BMERB1: variants seen among roughly 807,000 people sequenced by gnomAD.
BMERB1 encodes bMERB domain-containing protein 1.
In BMERB1, 12 loss-of-function variants were observed where a neutral mutation model predicts 23.6. The observed-to-expected ratio is 0.51, with a 90% CI of 0.33 to 0.82. The LOEUF (loss-of-function observed/expected upper bound fraction) is 0.82. Ranked by LOEUF, BMERB1 falls within the 40% of genes least tolerant of loss-of-function variation. The probability of loss-of-function intolerance (pLI) is 0.03; values close to 1 mark genes in which losing one functional copy is unlikely to be tolerated. For missense variants in BMERB1, 247 were observed against 255.4 expected, an observed-to-expected ratio of 0.97 and a Z score of 0.22; for synonymous variants, 122 against 96.6, an observed-to-expected ratio of 1.26 and a Z score of -1.54.
chr16:15,505,875 G>A (rs534754845), intron 1 of BMERB1, among the ~76,000 whole-genome samples: 9 of 145,014 alleles, frequency 6.2e-5, no homozygotes, highest in Admixed American at 4.2e-4. Flanking sequence ...GTGACAGAGC[G>A]AGACGCCGTT....
intron 1 of BMERB1, among the ~76,000 whole-genome samples, chr16:15,476,160 C>CTTT (rs55893889): frequency 1.2e-5 from 1 of 86,582 alleles, no homozygotes; most frequent in African/African-American, 3.6e-5. Flanking sequence ...ATGTCATTCA[C>CTTT]TTTTTTTTTT....
chr16:15,575,140 G>A (rs2030826193), intron 3 of BMERB1, among the ~76,000 whole-genome samples: 1 of 152,070 alleles, frequency 6.6e-6, no homozygotes, highest in Non-Finnish European at 1.5e-5. Context: ...TGGCATCCCT[G>A]GCCCATGGGT....
chr16:15,533,015 C>T (rs1326420466), intron 2 of BMERB1: 1 of 455,868 alleles, frequency 2.2e-6, no homozygotes, highest in Non-Finnish European at 4.4e-6. Flanking sequence ...AATATCTTAC[C>T]TTCTCTGAGC....
At chr16:15,490,932 G>T (rs944765486) in intron 1 of BMERB1, among the ~76,000 whole-genome samples, 1 of 152,050 alleles carries the variant, frequency 6.6e-6, no homozygotes, top group Non-Finnish European at 1.5e-5. Context: ...AACCTCCACC[G>T]CCTTCTGGGC....
intron 2 of BMERB1, among the ~76,000 whole-genome samples, chr16:15,562,484 T>A (rs1249144839): frequency 6.6e-6 from 1 of 152,006 alleles, no homozygotes; most frequent in Non-Finnish European, 1.5e-5. Flanking sequence ...CTCTCAAAAA[T>A]TATCAATAAT....
chr16:15,440,651 A>C (rs2050931909), intron 1 of BMERB1, among the ~76,000 whole-genome samples: 1 of 152,154 alleles, frequency 6.6e-6, no homozygotes, highest in Non-Finnish European at 1.5e-5. Context: ...TATGAAAATA[A>C]AAAGTAAAAA....
At chr16:15,518,687 AATGGGAGGTT>A (rs1281657589) in intron 2 of BMERB1, among the ~76,000 whole-genome samples, 1 of 152,120 alleles carries the variant, frequency 6.6e-6, no homozygotes, top group African/African-American at 2.4e-5. Context: ...GATGGGAAGT[AATGGGAGGTT>A]ACAAAATTTG....
At chr16:15,499,674 TC>T (rs2067342) in intron 1 of BMERB1, among the ~76,000 whole-genome samples, 40,366 of 152,020 alleles carry the variant, frequency 0.27, 6,514 homozygotes, top group East Asian at 0.54. Flanking sequence ...TCCTCCCAGT[TC>T]CTTCCTAGAG....
chr16:15,437,966 A>G (rs2050902995), intron 1 of BMERB1, among the ~76,000 whole-genome samples: 2 of 151,290 alleles, frequency 1.3e-5, no homozygotes, highest in African/African-American at 2.4e-5. Flanking sequence ...TCAAAAAAAA[A>G]GAGTCTGGTA....
intron 1 of BMERB1, 151 bp from the exon 2 acceptor site, chr16:15,515,154 C>A: frequency 2.0e-6 from 2 of 978,606 alleles, no homozygotes. Flanking sequence ...AAAGGGTGTG[C>A]TCACGAATAC....
At chr16:15,568,334 T>C (rs2030634443) in intron 3 of BMERB1, among the ~76,000 whole-genome samples, 1 of 152,166 alleles carries the variant, frequency 6.6e-6, no homozygotes, top group South Asian at 2.1e-4. Context: ...GTCTAATTCA[T>C]TGAGTATAAA....
At chr16:15,477,921 G>A (rs1029170228) in intron 1 of BMERB1, among the ~76,000 whole-genome samples, 1 of 152,128 alleles carries the variant, frequency 6.6e-6, no homozygotes, top group African/African-American at 2.4e-5. Context: ...ATGTCTGTGA[G>A]TTATCAGTTG....
chr16:15,550,444 C>T (rs1299064746), intron 2 of BMERB1, among the ~76,000 whole-genome samples: 1 of 152,082 alleles, frequency 6.6e-6, no homozygotes, highest in East Asian at 1.9e-4. Context: ...GCGATCCTCC[C>T]ACCTCAGCCC....
chr16:15,563,436 G>T (rs553525320), intron 2 of BMERB1, among the ~76,000 whole-genome samples: 27 of 152,054 alleles, frequency 1.8e-4, no homozygotes, highest in African/African-American at 6.0e-4. Context: ...AGACAGGATG[G>T]TCTCGATCTC....
chr16:15,548,900 AG>A (rs2030000469), intron 2 of BMERB1, among the ~76,000 whole-genome samples: 1 of 152,204 alleles, frequency 6.6e-6, no homozygotes, highest in Admixed American at 6.5e-5. Context: ...TGGCAGGAGC[AG>A]GGCTAAGCTG....
intron 1 of BMERB1, among the ~76,000 whole-genome samples, chr16:15,437,512 A>G (rs892241727): frequency 6.6e-6 from 1 of 152,208 alleles, no homozygotes; most frequent in Non-Finnish European, 1.5e-5. Flanking sequence ...ATATTGGTCA[A>G]TTCTTCAATA....
intron 1 of BMERB1, among the ~76,000 whole-genome samples, chr16:15,457,620 C>T (rs967967447): frequency 1.3e-5 from 2 of 152,206 alleles, no homozygotes; most frequent in Admixed American, 1.3e-4. Flanking sequence ...CACCTGTTCT[C>T]ACCTCCTTTC....
rs116678802 is a variant in BMERB1, at chr16:15,485,813, A to G, written c.107-29492A>G. The stretch of plus-strand genomic sequence containing the variant: ...TTGGCTTAGGCACCATTCTAAGCAT[A>G]TTCCACTAGTCCCTCCATCTCCAAA... On this transcript the variant is annotated intron_variant, in intron 1 of 5. Transcript: ENST00000300006. 2.4e-3 allele frequency among the ~76,000 whole-genome samples: 360 copies of G among 152,260 alleles called. 3 individuals carry two copies. The highest frequency in any genetic ancestry group is 8.1e-3 in the African/African-American group (337 of 41,562).
intron 3 of BMERB1, among the ~76,000 whole-genome samples, chr16:15,577,664 G>C (rs1421705510): frequency 7.6e-6 from 1 of 132,384 alleles, no homozygotes; most frequent in Non-Finnish European, 1.5e-5. Context: ...TTATATGTTG[G>C]CATATTCCAG....
Sources: allele counts gnomAD v4.1 joint callset (sites outside exome capture counted in the v4.1 genomes callset), GRCh38; gene constraint gnomAD v4.1.1; transcripts MANE v1.5; gene names NCBI Gene and HGNC (gene_info 2026-07-23, HGNC 2026-07-21).